DMD: variants seen among roughly 807,000 people sequenced by gnomAD.
DMD encodes mutant dystrophin.
In DMD, 63 loss-of-function variants were observed where a neutral mutation model predicts 330.1. The ratio of observed to expected loss-of-function variants is 0.19; its 90% CI spans 0.16 to 0.24. DMD has a LOEUF of 0.24. DMD is among the 10% of genes least tolerant of loss of function. DMD has a pLI of 1.00. For missense variants in DMD, 3,344 were observed against 2,684.1 expected (o/e 1.25, Z -5.43); for synonymous variants, 1,223 against 959.8 (o/e 1.27, Z -5.07).
chrX:32,860,230 G>T (rs777253496), intron 2 of DMD, among the ~76,000 whole-genome samples: 1 of 111,883 alleles, frequency 8.9e-6, no homozygotes, highest in Non-Finnish European at 1.9e-5. Context: ...GAAAGGAAAT[G>T]CATTTGTGAA....
At chrX:32,485,689 T>C (rs938547923) in intron 20 of DMD, among the ~76,000 whole-genome samples, 2 of 105,111 alleles carry the variant, frequency 1.9e-5, no homozygotes, top group Non-Finnish European at 3.9e-5. Flanking sequence ...TCTTCTATGT[T>C]TTGTATGGTC....
intron 7 of DMD, among the ~76,000 whole-genome samples, chrX:32,771,848 T>C (rs1321438933): frequency 8.9e-6 from 1 of 111,775 alleles, no homozygotes; most frequent in East Asian, 2.8e-4. Context: ...ACATTATTCT[T>C]CTCAAGGATG....
chrX:31,530,647 C>CTTTTTTTTTTTTTTTTTTGT (rs2073677399), intron 55 of DMD, among the ~76,000 whole-genome samples: 1 of 49,845 alleles, frequency 2.0e-5, no homozygotes, highest in African/African-American at 7.8e-5. Context: ...ACTGGTTTCT[C>CTTTTTTTTTTTTTTTTTTGT]TTTTTTTTTT....
At chrX:32,091,165 C>T (rs913328251) in intron 44 of DMD, among the ~76,000 whole-genome samples, 3 of 111,666 alleles carry the variant, frequency 2.7e-5, no homozygotes, top group Non-Finnish European at 3.8e-5. Flanking sequence ...AACTAATAGT[C>T]AGGAGCTTTG....
At chrX:31,946,693 C>T (rs1348408524) in intron 45 of DMD, among the ~76,000 whole-genome samples, 2 of 111,207 alleles carry the variant, frequency 1.8e-5, no homozygotes, top group African/African-American at 6.6e-5. Flanking sequence ...GCAGTGTAAA[C>T]TAAAATATGT....
At chrX:31,760,855 T>G (rs1177446647) in intron 51 of DMD, among the ~76,000 whole-genome samples, 2 of 105,906 alleles carry the variant, frequency 1.9e-5, no homozygotes, top group Non-Finnish European at 4.0e-5. Context: ...TAGCAAAGTT[T>G]TAAATATAAA....
chrX:32,775,893 T>TCC (rs1297823124), intron 7 of DMD, among the ~76,000 whole-genome samples: 6 of 112,800 alleles, frequency 5.3e-5, no homozygotes, highest in Non-Finnish European at 1.1e-4. Context: ...CTGCAAATTT[T>TCC]CCAAACTTTT....
At chrX:33,223,422 G>T (rs751824893) in intron 1 of DMD, among the ~76,000 whole-genome samples, 1 of 112,190 alleles carries the variant, frequency 8.9e-6, no homozygotes, top group Non-Finnish European at 1.9e-5. Context: ...TGTCTTATTG[G>T]CAAAAGAAGA....
At chrX:32,621,788 C>A (rs753138477) in intron 11 of DMD, among the ~76,000 whole-genome samples, 80 of 110,819 alleles carry the variant, frequency 7.2e-4, no homozygotes, top group African/African-American at 2.6e-3. Flanking sequence ...CTTTTTCTCT[C>A]TTCATTAGTG....
At chrX:32,002,290 G>A (rs938261014) in intron 44 of DMD, among the ~76,000 whole-genome samples, 17 of 111,631 alleles carry the variant, frequency 1.5e-4, no homozygotes, top group Non-Finnish European at 2.3e-4. Flanking sequence ...TAAATTACCC[G>A]TATAAGTGTC....
At chrX:32,043,172 T>G (rs140714432) in intron 44 of DMD, among the ~76,000 whole-genome samples, 5,504 of 111,063 alleles carry the variant, frequency 0.05, 352 homozygotes, top group African/African-American at 0.17. Context: ...ACACCTACCA[T>G]GTACTCACAA....
At chrX:31,831,123 C>T (rs2093020192) in intron 49 of DMD, among the ~76,000 whole-genome samples, 1 of 112,082 alleles carries the variant, frequency 8.9e-6, no homozygotes, top group Admixed American at 9.5e-5. Context: ...GTGTTTTACG[C>T]TCTTGCTGCA....
intron 25 of DMD, among the ~76,000 whole-genome samples, chrX:32,459,242 T>C (rs2098373981): frequency 9.0e-6 from 1 of 111,141 alleles, no homozygotes; most frequent in Non-Finnish European, 1.9e-5. Flanking sequence ...ATCTTGAATG[T>C]GGTAATAAGT....
At chrX:31,566,234 T>C (rs1206847914) in intron 55 of DMD, among the ~76,000 whole-genome samples, 1 of 112,050 alleles carries the variant, frequency 8.9e-6, no homozygotes, top group African/African-American at 3.2e-5. Context: ...ATGTTTTACA[T>C]TTAAGTCCAT....
chrX:32,097,215 G>A (rs1361928364), intron 44 of DMD, among the ~76,000 whole-genome samples: 1 of 110,632 alleles, frequency 9.0e-6, no homozygotes, highest in Non-Finnish European at 1.9e-5. Flanking sequence ...AGCCCCGCAT[G>A]CATTAGGTAT....
intron 30 of DMD, among the ~76,000 whole-genome samples, chrX:32,394,793 A>C: frequency 9.2e-6 from 1 of 109,182 alleles, no homozygotes; most frequent in East Asian, 2.9e-4. Context: ...ATCTGTGTAC[A>C]TGTATTTAAA....
At chrX:32,705,888 A>G (rs1270357780) in intron 7 of DMD, among the ~76,000 whole-genome samples, 1 of 110,571 alleles carries the variant, frequency 9.0e-6, no homozygotes, top group Non-Finnish European at 1.9e-5. Flanking sequence ...ATATACCCAA[A>G]GGACTATAAA....
intron 4 of DMD, among the ~76,000 whole-genome samples, chrX:32,824,402 A>G (rs1342243072): frequency 8.9e-6 from 1 of 112,317 alleles, no homozygotes; most frequent in Non-Finnish European, 1.9e-5. Flanking sequence ...ACACCATGGA[A>G]TAACACTCAT....
chrX:31,852,442 C>T (rs766257887), intron 48 of DMD, among the ~76,000 whole-genome samples: 26 of 111,798 alleles, frequency 2.3e-4, no homozygotes, highest in African/African-American at 8.1e-4. Flanking sequence ...AACTGGTACT[C>T]CCAGGTCTTG....
Sources: gnomAD v4.1 joint callset for allele counts (sites outside exome capture counted in the v4.1 genomes callset) on GRCh38, gnomAD v4.1.1 for gene constraint, MANE v1.5 for transcripts, NCBI Gene and HGNC (gene_info 2026-07-23, HGNC 2026-07-21) for gene names.